Variants in NOS1 observed in about 807,000 individuals in gnomAD.
NOS1 encodes nitric oxide synthase 1.
NOS1 carries 51 observed loss-of-function variants against 164.5 expected under a neutral mutation model. The observed-to-expected ratio is 0.31, with a 90% confidence interval of 0.25 to 0.39. NOS1 has a LOEUF of 0.39. Ranked by LOEUF, NOS1 falls within the 10% of genes least tolerant of loss-of-function variation. The probability of loss-of-function intolerance (pLI) is 1.00; values close to 1 mark genes in which losing one functional copy is unlikely to be tolerated. For missense variants in NOS1, 1,362 were observed against 1,885.6 expected, an observed-to-expected ratio of 0.72 and a Z score of 5.14; for synonymous variants, 719 against 745.8, an observed-to-expected ratio of 0.96 and a Z score of 0.59.
intron 2 of NOS1, among the ~76,000 whole-genome samples, chr12:117,319,942 G>A (rs1874840031): frequency 6.6e-6 from 1 of 152,120 alleles, no homozygotes; most frequent in South Asian, 2.1e-4. Context: ...CATTTGTAAA[G>A]ATGGGGAAAC....
At chr12:117,347,796 A>C (rs1876423313) in intron 1 of NOS1, among the ~76,000 whole-genome samples, 1 of 152,166 alleles carries the variant, frequency 6.6e-6, no homozygotes, top group Non-Finnish European at 1.5e-5. Context: ...ATCTACTGAG[A>C]GTGACGCAGC....
At chr12:117,222,141 C>A (rs1956717085) in intron 26 of NOS1, among the ~76,000 whole-genome samples, 2 of 152,146 alleles carry the variant, frequency 1.3e-5, no homozygotes, top group South Asian at 4.1e-4. Flanking sequence ...ACTCCCCATT[C>A]TCCCCTCCCT....
chr12:117,234,801 C>A lies in NOS1; in HGVS notation c.3042-43G>T. ...GGAATCATAGGACAAGGGCCAGCAG[C>A]TACTTCCTCCTTTTTTTGCTCTTCT... On this transcript the variant is annotated intron_variant, in intron 20 of 28. Transcript: ENST00000317775. This position sits in a 1 kb window ranked among gnomAD's most constrained non-coding sequence, Gnocchi z 4.3. 2 of 1,523,070 alleles carry A rather than the reference C, an allele frequency of 1.3e-6. No individual in the cohort carries two copies. The highest frequency in any genetic ancestry group is 8.9e-7 in the Non-Finnish European group (1 of 1,121,102). 94.3% of individuals were successfully genotyped at this position (1,523,070 alleles called of 1,614,324 possible). A position where few individuals can be genotyped will look rare whatever the true frequency, so the allele number is the denominator to read the frequency against.
chr12:117,338,589 T>G (rs187343585), intron 1 of NOS1, among the ~76,000 whole-genome samples: 2 of 152,088 alleles, frequency 1.3e-5, no homozygotes, highest in East Asian at 3.9e-4. Context: ...ATTGTGCACA[T>G]GTACCCTAAA....
Position 117,259,046 on chromosome 12 carries a change from C to A in NOS1, c.2452G>T (p.Asp818Tyr). Residue 818 changes from aspartate to tyrosine, a missense_variant, in exon 15 of 29, where the codon GAT becomes TAT. By Grantham distance (160) the Asp-to-Tyr change is radical. Coordinates refer to ENST00000317775, the MANE Select transcript of NOS1 (RefSeq NM_000620.5). ...LVVTSTFGNG[D>Y]PPENGEKFGC... ...CTCACCTCCCCATTCTCAGGGGGAT[C>A]TCCATTGCCAAAGGTGCTGGTGACC... 6.2e-7 allele frequency: 1 copy of A among 1,613,772 alleles called. No individual in the cohort carries two copies. The highest frequency in any genetic ancestry group is 8.5e-7 in the Non-Finnish European group (1 of 1,179,688).
chr12:117,306,418 T>C (rs17617737), intron 3 of NOS1, among the ~76,000 whole-genome samples: 5 of 151,976 alleles, frequency 3.3e-5, no homozygotes, highest in African/African-American at 1.2e-4. Context: ...GCTGAGTTTG[T>C]AGGGAGAATG....
chr12:117,327,157 T>C (rs1265852186), intron 2 of NOS1, among the ~76,000 whole-genome samples: 1 of 152,188 alleles, frequency 6.6e-6, no homozygotes, highest in Non-Finnish European at 1.5e-5. Flanking sequence ...CGGCTGGGAT[T>C]CAGCTGCCCA....
chr12:117,308,440 T>C (rs1036537820), intron 3 of NOS1, among the ~76,000 whole-genome samples: 12 of 152,010 alleles, frequency 7.9e-5, no homozygotes, highest in Non-Finnish European at 1.2e-4. Flanking sequence ...GTCTAGGAGA[T>C]TGAGGTTGCA....
intron 25 of NOS1, 47 bp from the exon 26 acceptor site, chr12:117,222,910 G>A: frequency 6.3e-7 from 1 of 1,591,372 alleles, no homozygotes; most frequent in Non-Finnish European, 8.6e-7. Context: ...TCTGCCTGAT[G>A]TGCAGGGTGG....
chr12:117,281,241 G>A (rs1027003246), intron 7 of NOS1, among the ~76,000 whole-genome samples: 1 of 152,146 alleles, frequency 6.6e-6, no homozygotes, highest in African/African-American at 2.4e-5. Flanking sequence ...TGCACTAGAC[G>A]CCGGGCGCGG....
rs185952406 is a variant in NOS1, at chr12:117,231,808, G to A, written c.3405+154C>T. Among the ~76,000 whole-genome samples, 512 of 152,270 alleles carry A rather than the reference G, an allele frequency of 3.4e-3. 3 individuals are homozygous for A. Among genetic ancestry groups the A allele is most frequent in the African/African-American group, 0.011 (465 of 41,556 alleles). ...TTAGAACTGGTGGAAGACCAGCCAC[G>A]TTGGACCAGCCAATATGGCAATCTA... On this transcript the variant is annotated intron_variant, in intron 22 of 28. Coordinates refer to ENST00000317775, the MANE Select transcript of NOS1 (RefSeq NM_000620.5).
intron 3 of NOS1, among the ~76,000 whole-genome samples, chr12:117,306,156 C>T (rs753947952): frequency 2.6e-5 from 4 of 152,196 alleles, no homozygotes; most frequent in Admixed American, 2.0e-4. Flanking sequence ...TGGGCAAAGA[C>T]GAACGTAAAT....
In NOS1 at chr12:117,268,106, C is replaced by T. The variant is rs748761184; in HGVS notation, c.1878G>A (p.Thr626=). The change falls in exon 11 of 29, where the codon ACG becomes ACA. Residue 626 remains threonine, a synonymous_variant. Coordinates refer to ENST00000317775, the MANE Select transcript of NOS1 (RefSeq NM_000620.5). The part of the protein sequence containing the change: ...AKKMNLDMRK[T]SSLWKDQALV... ...GCGCCTGGTCCTTCCACAGGGAGGA[C>T]GTCTTCCTCATGTCTAAGTTCATCT... The T allele has an allele frequency of 1.1e-5, 18 of 1,613,918 alleles. No individual in the cohort carries two copies. The highest frequency in any genetic ancestry group is 1.1e-4 in the South Asian group (10 of 91,072).
intron 26 of NOS1, among the ~76,000 whole-genome samples, chr12:117,222,386 G>T (rs1956721495): frequency 6.6e-6 from 1 of 152,136 alleles, no homozygotes; most frequent in Non-Finnish European, 1.5e-5. Flanking sequence ...CTGCCAAGTA[G>T]CTGGGACTAC....
chr12:117,321,924 C>G lies in NOS1; in HGVS notation c.725+8421G>C, dbSNP rs192466683. Among the ~76,000 whole-genome samples the G allele has an allele frequency of 5.1e-4, 76 of 148,846 alleles. 1 individual carries two copies. In the East Asian group the frequency reaches 0.013, roughly 26 times the overall value. On this transcript the variant is annotated intron_variant, in intron 2 of 28. Transcript: ENST00000317775. ...TCCTTCCTTCCTTCCCTCCCTCCCTCCTTCCTTCCCTCCCTCTCTCCTTCC... is the reference window on the plus strand; with the variant it reads ...TCCTTCCTTCCTTCCCTCCCTCCCTGCTTCCTTCCCTCCCTCTCTCCTTCC...
At chr12:117,242,488 T>C (rs1157090676) in intron 20 of NOS1, 139 bp downstream of exon 20, 3 of 720,130 alleles carry the variant, frequency 4.2e-6, no homozygotes, top group African/African-American at 1.7e-5. Flanking sequence ...CCAGACACTA[T>C]AAAGCAGCAA....
At chr12:117,344,330 T>C (rs372957854) in intron 1 of NOS1, among the ~76,000 whole-genome samples, 2 of 152,274 alleles carry the variant, frequency 1.3e-5, no homozygotes, top group African/African-American at 2.4e-5. Flanking sequence ...ACTGAGTACT[T>C]ATTAGGTTGA....
chr12:117,313,343 G>A (rs1455239406), intron 2 of NOS1, among the ~76,000 whole-genome samples: 2 of 152,140 alleles, frequency 1.3e-5, no homozygotes, highest in African/African-American at 4.8e-5. Flanking sequence ...TACCCAGGCT[G>A]GAGTGCAGTG....
chr12:117,297,673 G>T (rs2136036851), intron 3 of NOS1, among the ~76,000 whole-genome samples: 1 of 152,068 alleles, frequency 6.6e-6, no homozygotes, highest in South Asian at 2.1e-4. Flanking sequence ...TTATAGGCAT[G>T]AGCCACTGCA....
Sources: allele counts gnomAD v4.1 joint callset (sites outside exome capture counted in the v4.1 genomes callset), GRCh38; gene constraint gnomAD v4.1.1; non-coding constraint Gnocchi (gnomAD v3.1); transcripts MANE v1.5; gene names NCBI Gene and HGNC (gene_info 2026-07-23, HGNC 2026-07-21).